The following COL3A1 variants were observed in gnomAD, a reference collection of about 807,000 sequenced individuals.
COL3A1 encodes collagen alpha-1(III) chain.
Under a neutral mutation model 200.9 loss-of-function variants are expected in COL3A1, and 46 were observed. That is an observed-to-expected ratio of 0.23 (90% CI 0.18 to 0.29). COL3A1 has a LOEUF of 0.29. Among genes scored for constraint, COL3A1 ranks in the 10% least tolerant of loss-of-function variants. The pLI, the probability that COL3A1 is intolerant of heterozygous loss-of-function variation, is 1.00. For missense variants in COL3A1, 1,367 were observed against 1,917.6 expected (o/e 0.71, Z 5.36); for synonymous variants, 650 against 628.0 (o/e 1.03, Z -0.52).
chr2:188,974,458 T>C lies in COL3A1; in HGVS notation c.-32T>C. 1.3e-6 allele frequency: 2 copies of C among 1,573,486 alleles called. No homozygotes were observed. Among genetic ancestry groups the C allele is most frequent in the South Asian group, 2.2e-5 (2 of 90,192 alleles). ...TGAACTGCTTTTCTTTTCTCCTTTT[T>C]GCACAAAGAGTCTCATGTCTGATAT... is the stretch of plus-strand genomic sequence containing the variant. On this transcript the variant is annotated 5_prime_UTR_variant, in exon 1 of 51. Transcript: ENST00000304636.
chr2:189,008,373 A>G lies in COL3A1; in HGVS notation c.3525+231A>G, dbSNP rs1688644240. The G allele has an allele frequency of 2.9e-5, 16 of 553,486 alleles. No homozygotes were observed. The South Asian group carries it at 3.2e-4, about 11-fold the overall frequency. The allele number at this position is 553,486 out of a possible 1,614,324, so 34.3% of individuals were successfully genotyped here. A position where few individuals can be genotyped will look rare whatever the true frequency, so the allele number is the denominator to read the frequency against. On this transcript the variant is annotated intron_variant, in intron 47 of 50. Coordinates refer to ENST00000304636, the MANE Select transcript of COL3A1 (RefSeq NM_000090.4). ...TTGATCAGGTATCCATCGTATCAGA[A>G]TAATGACATCTGCCCAATTAACCAA... is the stretch of plus-strand genomic sequence containing the variant.
At chr2:188,989,340 T>C (rs894726056) in intron 7 of COL3A1, 56 bp from the exon 8 acceptor site, 6 of 1,337,080 alleles carry the variant, frequency 4.5e-6, no homozygotes, top group Non-Finnish European at 6.3e-6. Context: ...TGTGTAATAA[T>C]AAATTGTAAC....
intron 24 of COL3A1, 81 bp from the exon 25 acceptor site, chr2:188,997,055 GAGACATATATATATGAGACATATATATAT>G: frequency 1.4e-6 from 1 of 723,140 alleles, no homozygotes; most frequent in East Asian, 2.7e-5. Flanking sequence ...ATATATATAT[GAGACATATATATATGAGACATATATATAT>G]GAGACATATA....
At chr2:188,986,500 A>T (rs1237111877) in intron 4 of COL3A1, among the ~76,000 whole-genome samples, 4 of 152,066 alleles carry the variant, frequency 2.6e-5, no homozygotes, top group Non-Finnish European at 5.9e-5. Context: ...TTAGAATTTA[A>T]AAAAAGCTTC....
chr2:189,008,069 A>G lies in COL3A1; in HGVS notation c.3452A>G (p.Asp1151Gly). The change falls in exon 47 of 51, where the codon GAT becomes GGT. Residue 1151 changes from aspartate (D) to glycine (G), a missense_variant. By Grantham distance (94) the Asp-to-Gly change is moderately conservative. Transcript: ENST00000304636. ...GGACCCAGTGGACCTCCTGGCAAAGATGGAACCAGTGGACATCCAGGTCCC... is the reference window on the plus strand; with the variant it reads ...GGACCCAGTGGACCTCCTGGCAAAGGTGGAACCAGTGGACATCCAGGTCCC... ...PVGPSGPPGK[D>G]GTSGHPGPIG... 1.2e-6 allele frequency: 2 copies of G among 1,614,096 alleles called. No individual in the cohort carries two copies. The highest frequency in any genetic ancestry group is 2.2e-5 in the South Asian group (2 of 91,078).
At chr2:188,995,181 A>T (rs1204850915) in intron 21 of COL3A1, 82 bp downstream of exon 21, 11 of 1,314,062 alleles carry the variant, frequency 8.4e-6, no homozygotes, top group Non-Finnish European at 1.1e-5. Context: ...ATTCATGAAA[A>T]CCTAAATATC....
At chr2:188,983,777 TG>T (rs1688006017) in intron 1 of COL3A1, among the ~76,000 whole-genome samples, 1 of 151,976 alleles carries the variant, frequency 6.6e-6, no homozygotes, top group African/African-American at 2.4e-5. Context: ...CAAAAATTTT[TG>T]CAGATGCTTA....
At chr2:188,997,517 G>T (rs1688356343) in intron 26 of COL3A1, 128 bp downstream of exon 26, 2 of 1,191,144 alleles carry the variant, frequency 1.7e-6, no homozygotes, top group South Asian at 1.3e-5. Flanking sequence ...GAAACTTGCT[G>T]ACCTAGTTAT....
intron 43 of COL3A1, 70 bp from the exon 44 acceptor site, chr2:189,006,866 GA>G (rs1688595799): frequency 6.7e-7 from 1 of 1,500,272 alleles, no homozygotes; most frequent in African/African-American, 1.4e-5. Context: ...ATTTACTTTT[GA>G]AAACGAAATT....
chr2:188,974,922 A>G (rs1333241571), intron 1 of COL3A1, among the ~76,000 whole-genome samples: 1 of 152,166 alleles, frequency 6.6e-6, no homozygotes, highest in Non-Finnish European at 1.5e-5. Flanking sequence ...GTCTCTTGCA[A>G]TAATTTTATG....
rs1421131137 is a variant in COL3A1, at chr2:189,005,401, C to T, written c.2983C>T (p.Pro995Ser). 6.2e-6 allele frequency: 10 copies of T among 1,614,052 alleles called. No homozygotes were observed. Among genetic ancestry groups the T allele is most frequent in the South Asian group, 1.1e-5 (1 of 91,082 alleles). ...ANGLSGERGP[P>S]GPQGLPGLAG... is the part of the protein sequence containing the mutation. ...CGGTCTCAGTGGAGAACGTGGTCCC[C>T]CTGGACCCCAGGGTCTTCCTGGTCT... Residue 995 changes from proline (P) to serine (S), a missense_variant, in exon 41 of 51, where the codon CCT (proline) becomes TCT (serine). Pro to Ser is a moderately conservative substitution (Grantham distance 74, BLOSUM62 -1). Coordinates refer to ENST00000304636, the MANE Select transcript of COL3A1 (RefSeq NM_000090.4).
rs1362456489 is a variant in COL3A1, at chr2:188,997,627, C to G, written c.1870-73C>G. 3 of 1,448,504 alleles carry G rather than the reference C, an allele frequency of 2.1e-6. No individual in the cohort carries two copies. The South Asian group carries it at 3.5e-5, about 17-fold the overall frequency. The allele number at this position is 1,448,504 out of a possible 1,614,324, so 89.7% of individuals were successfully genotyped here. A position where few individuals can be genotyped will look rare whatever the true frequency, so the allele number is the denominator to read the frequency against. On this transcript the variant is annotated intron_variant, in intron 26 of 50. Coordinates refer to ENST00000304636, the MANE Select transcript of COL3A1 (RefSeq NM_000090.4). The stretch of plus-strand genomic sequence containing the variant: ...ACTACTTTTATAATTAAGCAACAGG[C>G]CTGTTGAAATGGATACTGTAGACTA...
rs16830973 is a variant in COL3A1 at position 188,984,604 on chromosome 2, A to G, written c.80-156A>G. 0.34 allele frequency among the ~76,000 whole-genome samples: 51,213 copies of G among 150,706 alleles called. 9,220 individuals carry two copies. The highest frequency in any genetic ancestry group is 0.48 in the African/African-American group (19,370 of 40,316). Reference sequence around the variant, plus strand: ...TAATTAATTTCTTGCTACTTAGCAAATTACATAGGGCAAGTATAATTTTCT... The same window carrying G: ...TAATTAATTTCTTGCTACTTAGCAAGTTACATAGGGCAAGTATAATTTTCT... On this transcript the variant is annotated intron_variant, in intron 1 of 50. Transcript: ENST00000304636.
chr2:188,988,189 A>T (rs1688103303), intron 6 of COL3A1, 55 bp downstream of exon 6: 2 of 1,441,432 alleles, frequency 1.4e-6, no homozygotes, highest in Non-Finnish European at 2.0e-6. Flanking sequence ...AATCAAATTA[A>T]TATATATTCT....
chr2:188,994,644 A>G lies in COL3A1; in HGVS notation c.1347+50A>G, dbSNP rs765439751. ...GTTATTTCTTGAAAAAATGCAACAT[A>G]ATTAGAAAGTAAACAGGTAAAAACT... On this transcript the variant is annotated intron_variant, in intron 19 of 50. Coordinates refer to ENST00000304636, the MANE Select transcript of COL3A1 (RefSeq NM_000090.4). This position sits in a 1 kb window ranked among gnomAD's most constrained non-coding sequence, Gnocchi z 4.5. The G allele has an allele frequency of 1.2e-6, 2 of 1,613,124 alleles. No homozygotes were observed. The highest frequency in any genetic ancestry group is 2.2e-5 in the East Asian group (1 of 44,870).
intron 36 of COL3A1, 145 bp from the exon 37 acceptor site, chr2:189,003,266 T>C (rs2153503405): frequency 1.3e-6 from 1 of 778,198 alleles, no homozygotes; most frequent in Non-Finnish European, 2.2e-6. Flanking sequence ...TTTATATGAA[T>C]ATAGTCCAAG....
At chr2:188,988,222 A>G (rs1167246942) in intron 6 of COL3A1, 88 bp downstream of exon 6, 2 of 1,151,630 alleles carry the variant, frequency 1.7e-6, no homozygotes, top group Non-Finnish European at 2.6e-6. Context: ...CCATTCCAGC[A>G]TGCATAATCC....
At chr2:188,995,661 T>C (rs1394005805) in intron 21 of COL3A1, 31 bp from the exon 22 acceptor site, 1 of 1,482,680 alleles carries the variant, frequency 6.7e-7, no homozygotes, top group East Asian at 2.5e-5. Flanking sequence ...AAGGCTATTT[T>C]AATTTTTTTA....
chr2:188,992,389 TA>T (rs1221721885), intron 14 of COL3A1, among the ~76,000 whole-genome samples, 161 bp downstream of exon 14: 1 of 152,080 alleles, frequency 6.6e-6, no homozygotes, highest in Non-Finnish European at 1.5e-5. Flanking sequence ...TTTTACAATT[TA>T]AAAAGTGAAA....
Sources: gnomAD v4.1 joint callset for allele counts (sites outside exome capture counted in the v4.1 genomes callset) on GRCh38, gnomAD v4.1.1 for gene constraint, Gnocchi (gnomAD v3.1) non-coding constraint, MANE v1.5 for transcripts, NCBI Gene and HGNC (gene_info 2026-07-23, HGNC 2026-07-21) for gene names.